Variants in BRSK2 observed in about 807,000 individuals in gnomAD.
BRSK2 encodes BR serine/threonine kinase 2.
In BRSK2, 19 loss-of-function variants were observed where a neutral mutation model predicts 83.3. The observed-to-expected ratio is 0.23, with a 90% CI of 0.16 to 0.33. BRSK2 has a LOEUF of 0.33. Among genes scored for constraint, BRSK2 ranks in the 10% least tolerant of loss-of-function variants. The pLI is 1.00. For missense variants in BRSK2, 798 were observed against 1,042.3 expected, an observed-to-expected ratio of 0.77 and a Z score of 3.23; for synonymous variants, 519 against 435.4, an observed-to-expected ratio of 1.19 and a Z score of -2.39.
At chr11:1,418,235 G>T (rs548151866) in intron 1 of BRSK2, among the ~76,000 whole-genome samples, 1 of 148,588 alleles carries the variant, frequency 6.7e-6, no homozygotes. Context: ...TTGAGAGTGG[G>T]TCACACTGTG....
At chr11:1,453,672 G>A (rs978233104) in intron 15 of BRSK2, among the ~76,000 whole-genome samples, 1 of 152,246 alleles carries the variant, frequency 6.6e-6, no homozygotes. Context: ...GCAAGGGAAA[G>A]GGGAGTTGTG....
intron 19 of BRSK2, among the ~76,000 whole-genome samples, chr11:1,460,026 C>T (rs1013482978): frequency 6.6e-6 from 1 of 151,716 alleles, no homozygotes; most frequent in Admixed American, 6.6e-5. Context: ...CCCAGCAGGC[C>T]CTTGTCTTTA....
Position 1,458,468 on chromosome 11 carries a change from C to T in BRSK2, c.1940-724C>T, listed in dbSNP as rs974479098. Among the ~76,000 whole-genome samples the T allele has an allele frequency of 3.3e-5, 5 of 152,162 alleles. No individual in the cohort carries two copies. The East Asian group carries it at 5.8e-4, about 18-fold the overall frequency. Reference sequence around the variant, plus strand: ...AGCCCTTCCCAGCCCTGCCCCCCTCCCACACTGGATGCTTTTGTCCAGTGA... The same window carrying T: ...AGCCCTTCCCAGCCCTGCCCCCCTCTCACACTGGATGCTTTTGTCCAGTGA... On this transcript the variant is annotated intron_variant, in intron 18 of 19. Coordinates refer to ENST00000528841, the MANE Select transcript of BRSK2 (RefSeq NM_001256627.2).
chr11:1,450,263 C>T (rs1336800015), intron 13 of BRSK2, among the ~76,000 whole-genome samples: 2 of 152,010 alleles, frequency 1.3e-5, no homozygotes. Context: ...CCCCGAGCCG[C>T]CCTTCGTGGC....
At chr11:1,455,842 C>T (rs972333822) in intron 16 of BRSK2, among the ~76,000 whole-genome samples, 2 of 152,118 alleles carry the variant, frequency 1.3e-5, no homozygotes, top group African/African-American at 2.4e-5. Flanking sequence ...GCTGCCCCCT[C>T]GGTACTGTGA....
chr11:1,421,588 C>CT (rs1279953105), intron 1 of BRSK2, among the ~76,000 whole-genome samples: 1 of 152,226 alleles, frequency 6.6e-6, no homozygotes, highest in Non-Finnish European at 1.5e-5. Flanking sequence ...TGCGCCGCCC[C>CT]TTCCCTCTGC....
Position 1,450,926 on chromosome 11 carries a change from G to A in BRSK2, c.1495+132G>A, listed in dbSNP as rs981884328. On this transcript the variant is annotated intron_variant, in intron 14 of 19. Coordinates refer to ENST00000528841, the MANE Select transcript of BRSK2 (RefSeq NM_001256627.2). The stretch of plus-strand genomic sequence containing the variant: ...GCAGGGGTGGCCTGGGCCTGCCCAC[G>A]TCTCACTGTCCCGAAAGCGCCCAGC... 122 of 868,096 alleles carry A rather than the reference G, an allele frequency of 1.4e-4. 1 individual carries two copies. Among genetic ancestry groups the A allele is most frequent in the Middle Eastern group, 3.6e-4 (1 of 2,798 alleles). The allele number at this position is 868,096 out of a possible 1,614,324, so 53.8% of individuals were successfully genotyped here. A position where few individuals can be genotyped will look rare whatever the true frequency, so the allele number is the denominator to read the frequency against.
At position 1,390,720 on chromosome 11, in the gene BRSK2, G is replaced by T. The variant is rs919500372; in HGVS notation, c.91+345G>T. Among the ~76,000 whole-genome samples, 2 of 151,140 alleles carry T rather than the reference G, an allele frequency of 1.3e-5. No individual in the cohort carries two copies. Among genetic ancestry groups the T allele is most frequent in the Non-Finnish European group, 3.0e-5 (2 of 67,776 alleles). On this transcript the variant is annotated intron_variant, in intron 1 of 19. Transcript: ENST00000528841. The surrounding 1 kb of genome is among the most constrained non-coding windows in gnomAD (Gnocchi z 6.8). ...CCCCAGCGACCGGGCCCATTGTGCC[G>T]CGGGAGGAGGGGGCCGCGCGGGCGC...
Position 1,445,807 on chromosome 11 carries a change from C to A in BRSK2, c.1126C>A (p.Arg376=), listed in dbSNP as rs768222423. The stretch of plus-strand genomic sequence containing the variant: ...CCCGATGCTGAACCGGCACGGCAAG[C>A]GGCGGCCAGAACGCAAATCCATGGA... The part of the protein sequence containing the change: ...DSPMLNRHGK[R]RPERKSMEVL... The change falls in exon 12 of 20, where the codon CGG becomes AGG. Residue 376 remains arginine (R), a synonymous_variant. Transcript: ENST00000528841. 4 of 1,612,422 alleles carry A rather than the reference C, an allele frequency of 2.5e-6. No individual in the cohort carries two copies. The highest frequency in any genetic ancestry group is 3.4e-6 in the Non-Finnish European group (4 of 1,179,684).
intron 9 of BRSK2, 118 bp downstream of exon 9, chr11:1,445,120 C>CACGGAGGGCCAAGG: frequency 6.7e-7 from 1 of 1,500,606 alleles, no homozygotes; most frequent in Non-Finnish European, 9.2e-7. Flanking sequence ...CTGCCTTGGC[C>CACGGAGGGCCAAGG]CTCCGTGGCC....
intron 1 of BRSK2, among the ~76,000 whole-genome samples, chr11:1,415,583 C>T (rs999651199): frequency 1.3e-5 from 2 of 152,220 alleles, no homozygotes; most frequent in African/African-American, 2.4e-5. Context: ...CAGACTTTCT[C>T]ATTGGACCCA....
At chr11:1,419,490 C>T (rs1848441074) in intron 1 of BRSK2, among the ~76,000 whole-genome samples, 1 of 152,198 alleles carries the variant, frequency 6.6e-6, no homozygotes, top group South Asian at 2.1e-4. Context: ...GTTTCTTATT[C>T]TAGCAGTTAT....
intron 1 of BRSK2, among the ~76,000 whole-genome samples, chr11:1,424,743 G>C (rs1590435895): frequency 6.6e-6 from 1 of 151,912 alleles, no homozygotes; most frequent in East Asian, 1.9e-4. Context: ...GAGTCGGGGG[G>C]GCCAGGCAGG....
intron 1 of BRSK2, among the ~76,000 whole-genome samples, chr11:1,428,294 C>T (rs1229452288): frequency 6.6e-6 from 1 of 152,234 alleles, no homozygotes; most frequent in Admixed American, 6.5e-5. Flanking sequence ...CCCCCAGACT[C>T]CAGCCTCAAG....
chr11:1,457,098 C>G, intron 18 of BRSK2: 9 of 1,472,420 alleles, frequency 6.1e-6, no homozygotes, highest in Non-Finnish European at 8.2e-6. Flanking sequence ...CGGGCAGGTC[C>G]TCGGCGGAGC....
At position 1,451,381 on chromosome 11, in the gene BRSK2, G is replaced by A. The variant is rs201243466; in HGVS notation, c.1506G>A (p.Pro502=). Residue 502 remains proline (P), a synonymous_variant, in exon 15 of 20, where the codon CCG becomes CCA. Coordinates refer to ENST00000528841, the MANE Select transcript of BRSK2 (RefSeq NM_001256627.2). The part of the protein sequence containing the change: ...FHRRKLQVPT[P]EEMSNLTPES... ...ATCCTGTGTGCACAGTTCCGACGCC[G>A]GAGGAGATGTCCAACCTGACACCAG... 2.3e-4 allele frequency: 369 copies of A among 1,612,874 alleles called. 3 individuals are homozygous for A. The highest frequency in any genetic ancestry group is 5.3e-4 in the South Asian group (48 of 91,078).
At chr11:1,393,086 G>A (rs1845830652) in intron 1 of BRSK2, among the ~76,000 whole-genome samples, 2 of 152,346 alleles carry the variant, frequency 1.3e-5, no homozygotes, top group East Asian at 1.9e-4. Flanking sequence ...GGCTGAGAAA[G>A]GCTTGTGTAG....
At chr11:1,437,868 C>T (rs1339899061) in intron 2 of BRSK2, among the ~76,000 whole-genome samples, 2 of 152,136 alleles carry the variant, frequency 1.3e-5, no homozygotes. Flanking sequence ...TGCCTGCCTT[C>T]CTGGGCAGTG....
At chr11:1,449,873 C>G in intron 13 of BRSK2, 37 bp downstream of exon 13, 2 of 1,516,126 alleles carry the variant, frequency 1.3e-6, no homozygotes, top group South Asian at 2.3e-5. Context: ...CTCGGATGCA[C>G]AGAGGCCCCA....
Sources: gnomAD v4.1 joint callset for allele counts (sites outside exome capture counted in the v4.1 genomes callset) on GRCh38, gnomAD v4.1.1 for gene constraint, Gnocchi (gnomAD v3.1) non-coding constraint, MANE v1.5 for transcripts, NCBI Gene and HGNC (gene_info 2026-07-23, HGNC 2026-07-21) for gene names.